The following RNF216 variants were observed in gnomAD, a reference collection of about 807,000 sequenced individuals.
The protein encoded by RNF216 is E3 ubiquitin-protein ligase RNF216.
RNF216 carries 72 observed loss-of-function variants against 110.8 expected under a neutral mutation model. That is an observed-to-expected ratio of 0.65 (90% CI 0.54 to 0.79). The LOEUF (loss-of-function observed/expected upper bound fraction) is 0.79. RNF216 is among the 30% of genes least tolerant of loss of function. The pLI, the probability that RNF216 is intolerant of heterozygous loss-of-function variation, is 0.00. For missense variants in RNF216, 1,342 were observed against 1,141.2 expected (o/e 1.18, Z -2.54); for synonymous variants, 495 against 407.5 (o/e 1.21, Z -2.59).
At position 5,622,562 on chromosome 7, in the gene RNF216, A is replaced by G. The variant is rs1163798604; in HGVS notation, c.*298T>C. On this transcript the variant is annotated 3_prime_UTR_variant, in exon 17 of 17. Transcript: ENST00000389902. ...GGTGTGAGCAGCAGGGACCTGGTCT[A>G]TGGCCTATGCCATGGACAAGGCAGA... The G allele has an allele frequency of 8.1e-6, 3 of 372,572 alleles. No homozygotes were observed. Among genetic ancestry groups the G allele is most frequent in the African/African-American group, 2.0e-5 (1 of 49,054 alleles). The allele number at this position is 372,572 out of a possible 1,614,324, so 23.1% of individuals were successfully genotyped here. A position where few individuals can be genotyped will look rare whatever the true frequency, so the allele number is the denominator to read the frequency against.
At chr7:5,762,646 C>G (rs1362747472) in intron 1 of RNF216, among the ~76,000 whole-genome samples, 1 of 150,724 alleles carries the variant, frequency 6.6e-6, no homozygotes, top group Admixed American at 6.6e-5. Flanking sequence ...GAGCCGAGAT[C>G]ACACCACTGC....
intron 2 of RNF216, among the ~76,000 whole-genome samples, chr7:5,756,303 C>G (rs867947408): frequency 1.3e-5 from 2 of 152,140 alleles, no homozygotes; most frequent in African/African-American, 2.4e-5. Flanking sequence ...CATAAATTAC[C>G]CAGTCTCAGG....
At chr7:5,754,795 A>C (rs1413788605) in intron 2 of RNF216, among the ~76,000 whole-genome samples, 1 of 152,174 alleles carries the variant, frequency 6.6e-6, no homozygotes, top group Non-Finnish European at 1.5e-5. Context: ...TGGGAGGCCT[A>C]GACAGGCAGA....
At chr7:5,724,927 C>T (rs1384194890) in intron 8 of RNF216, among the ~76,000 whole-genome samples, 1 of 152,160 alleles carries the variant, frequency 6.6e-6, no homozygotes, top group Non-Finnish European at 1.5e-5. Flanking sequence ...ATTAGCCATT[C>T]TCTCAGTTGC....
chr7:5,622,621 G>C lies in RNF216; in HGVS notation c.*239C>G. The C allele has an allele frequency of 2.0e-6, 1 of 509,076 alleles. No homozygotes were observed. The highest frequency in any genetic ancestry group is 3.5e-5 in the Admixed American group (1 of 28,882). 31.5% of individuals were successfully genotyped at this position (509,076 alleles called of 1,614,324 possible). A position where few individuals can be genotyped will look rare whatever the true frequency, so the allele number is the denominator to read the frequency against. On this transcript the variant is annotated 3_prime_UTR_variant, in exon 17 of 17. Transcript: ENST00000389902. Reference sequence around the variant, plus strand: ...CGTTGGTGGCCTGGGGGATGCGAGGGGAGGGGCAGTTCACATCGCAGCTCT... The same window carrying C: ...CGTTGGTGGCCTGGGGGATGCGAGGCGAGGGGCAGTTCACATCGCAGCTCT...
chr7:5,657,315 C>T lies in RNF216; in HGVS notation c.2062-4805G>A, dbSNP rs144289497. ...GGGTGCAGTGGCTCACACCTGTAAT[C>T]CCAGCACTTTGGGAGGTGGAGGCAG... On this transcript the variant is annotated intron_variant, in intron 13 of 16. Transcript: ENST00000389902. Among the ~76,000 whole-genome samples, 789 of 152,326 alleles carry T rather than the reference C, an allele frequency of 5.2e-3. 6 individuals carry two copies. Among genetic ancestry groups the T allele is most frequent in the Non-Finnish European group, 6.8e-3 (465 of 68,032 alleles).
chr7:5,741,161 C>G lies in RNF216; in HGVS notation c.856G>C (p.Gly286Arg), dbSNP rs748177680. Residue 286 changes from glycine to arginine, a missense_variant, in exon 4 of 17, where the codon GGC becomes CGC. Physicochemically the swap from Gly to Arg is moderately radical, Grantham distance 125 (BLOSUM62 -2). Transcript: ENST00000389902. ...RPEPQQGGIS[G>R]PSSPQPAHPL... ...TGGGCAGGCTGAGGAGAAGAGGGGC[C>G]TGAAATCCCACCTTGCTGGGGTTCC... 3.7e-6 allele frequency: 6 copies of G among 1,614,152 alleles called. No individual in the cohort carries two copies. The highest frequency in any genetic ancestry group is 5.1e-6 in the Non-Finnish European group (6 of 1,180,042).
chr7:5,708,368 G>A (rs1383061204), intron 13 of RNF216, among the ~76,000 whole-genome samples: 1 of 152,028 alleles, frequency 6.6e-6, no homozygotes, highest in Non-Finnish European at 1.5e-5. Context: ...TTTTCCCTTC[G>A]GCTGTCAATA....
rs561447154 is a variant in RNF216, at chr7:5,633,402, C to G, written c.2382+7752G>C. ...ACCAGTCTGATCAACACGGTGAAAC[C>G]CCGTCTCTACTAAAATACGAAAATT... On this transcript the variant is annotated intron_variant, in intron 15 of 16. Transcript: ENST00000389902. 1.3e-5 allele frequency among the ~76,000 whole-genome samples: 2 copies of G among 152,050 alleles called. 1 individual carries two copies. Among genetic ancestry groups the G allele is most frequent in the South Asian group, 4.2e-4 (2 of 4,792 alleles).
chr7:5,676,919 C>A (rs1044239412), intron 13 of RNF216, among the ~76,000 whole-genome samples: 1 of 152,168 alleles, frequency 6.6e-6, no homozygotes, highest in African/African-American at 2.4e-5. Flanking sequence ...CCAGTGAACA[C>A]TGGACATAAC....
At chr7:5,667,586 G>C (rs923348854) in intron 13 of RNF216, among the ~76,000 whole-genome samples, 2 of 152,218 alleles carry the variant, frequency 1.3e-5, no homozygotes, top group Admixed American at 6.5e-5. Flanking sequence ...CTGTCAAATA[G>C]AAACACTGTT....
chr7:5,712,822 G>C lies in RNF216; in HGVS notation c.1875C>G (p.Phe625Leu). Reference protein sequence around the residue: ...SCMEGSCTCSFPTSELEKVLP... With the variant: ...SCMEGSCTCSLPTSELEKVLP... ...GCACCTTCTCCAGCTCACTGGTTGG[G>C]AACGAACACGTGCAGCTGCCTTCCA... Residue 625 changes from phenylalanine to leucine, a missense_variant, in exon 12 of 17, where the codon TTC (phenylalanine) becomes TTG (leucine). Coordinates refer to ENST00000389902, the MANE Select transcript of RNF216 (RefSeq NM_207111.4). 6.2e-7 allele frequency: 1 copy of C among 1,613,902 alleles called. No individual in the cohort carries two copies. Among genetic ancestry groups the C allele is most frequent in the Non-Finnish European group, 8.5e-7 (1 of 1,179,962 alleles).
chr7:5,708,903 G>C (rs534751135), intron 13 of RNF216, among the ~76,000 whole-genome samples: 1 of 152,218 alleles, frequency 6.6e-6, no homozygotes, highest in African/African-American at 2.4e-5. Context: ...AGCAGCCTTC[G>C]AGGTGCACTG....
At chr7:5,708,397 G>A (rs1445547671) in intron 13 of RNF216, among the ~76,000 whole-genome samples, 1 of 152,154 alleles carries the variant, frequency 6.6e-6, no homozygotes, top group African/African-American at 2.4e-5. Context: ...ACATATTTGG[G>A]TGCACTGATG....
rs751651090 is a variant in RNF216 at position 5,712,725 on chromosome 7, C to T, written c.1972G>A (p.Glu658Lys). 5 of 1,614,026 alleles carry T rather than the reference C, an allele frequency of 3.1e-6. No homozygotes were observed. The highest frequency in any genetic ancestry group is 4.2e-6 in the Non-Finnish European group (5 of 1,179,974). ...EEEVAAAYAD[E>K]LVRCPSCSFP... is the part of the protein sequence containing the mutation. The stretch of plus-strand genomic sequence containing the variant: ...TGCCTGAGAACGAACCTGACAAGCT[C>T]GTCGGCGTAGGCTGCCGCAACCTCC... Residue 658 changes from glutamate to lysine, a missense_variant, in exon 12 of 17, where the codon GAG becomes AAG. Physicochemically the swap from Glu to Lys is moderately conservative, Grantham distance 56. Transcript: ENST00000389902.
chr7:5,625,611 A>G (rs1479902967), intron 15 of RNF216, among the ~76,000 whole-genome samples: 1 of 152,210 alleles, frequency 6.6e-6, no homozygotes, highest in Admixed American at 6.5e-5. Flanking sequence ...ATTTCCCCAC[A>G]CAATTGTTTG....
intron 14 of RNF216, among the ~76,000 whole-genome samples, chr7:5,643,901 G>A (rs900255487): frequency 1.3e-5 from 2 of 152,160 alleles, no homozygotes; most frequent in African/African-American, 4.8e-5. Context: ...TCTGAGGCTA[G>A]GCAAATGCCC....
intron 9 of RNF216, among the ~76,000 whole-genome samples, chr7:5,717,234 T>A (rs1793121884): frequency 6.6e-6 from 1 of 152,100 alleles, no homozygotes; most frequent in Admixed American, 6.5e-5. Context: ...GCACCTGTAA[T>A]CCCAGCTACT....
intron 1 of RNF216, among the ~76,000 whole-genome samples, chr7:5,767,280 C>A (rs1796254605): frequency 1.3e-5 from 2 of 152,134 alleles, no homozygotes; most frequent in Admixed American, 6.6e-5. Context: ...CACATTCATC[C>A]TATATTTTTT....
Sources: allele counts gnomAD v4.1 joint callset (sites outside exome capture counted in the v4.1 genomes callset), GRCh38; gene constraint gnomAD v4.1.1; transcripts MANE v1.5; gene names NCBI Gene and HGNC (gene_info 2026-07-23, HGNC 2026-07-21).